The following SPIRE1 variants were observed in gnomAD, a reference collection of about 807,000 sequenced individuals.
SPIRE1 encodes the protein protein spire homolog 1.
SPIRE1 carries 40 observed loss-of-function variants against 94.1 expected under a neutral mutation model. The ratio of observed to expected loss-of-function variants is 0.43; its 90% CI spans 0.33 to 0.55. The LOEUF (loss-of-function observed/expected upper bound fraction) is 0.55, where lower values mean the gene tolerates loss of function less well. Ranked by LOEUF, SPIRE1 falls within the 20% of genes least tolerant of loss-of-function variation. The pLI is 0.06. For synonymous variants in SPIRE1, 376 were observed against 371.7 expected, an observed-to-expected ratio of 1.01 and a Z score of -0.13; for missense variants, 838 against 975.2, an observed-to-expected ratio of 0.86 and a Z score of 1.87.
intron 2 of SPIRE1, among the ~76,000 whole-genome samples, chr18:12,584,543 A>T (rs1011423681): frequency 1.3e-5 from 2 of 152,212 alleles, no homozygotes; most frequent in African/African-American, 4.8e-5. Flanking sequence ...TAGTCTCAAA[A>T]TTTAGACTTG....
Position 12,559,158 on chromosome 18 carries a change from C to A in SPIRE1, c.373-12254G>T, listed in dbSNP as rs1354793736. On this transcript the variant is annotated intron_variant, in intron 2 of 16. Transcript: ENST00000409402. This position sits in a 1 kb window ranked among gnomAD's most constrained non-coding sequence, Gnocchi z 4.7. ...GAGGCGCCCCCTGGGGAGGCTCCAT[C>A]TGCTTAGGAGCCCACGGGGTGGGGT... Among the ~76,000 whole-genome samples the A allele has an allele frequency of 1.1e-5, 1 of 91,684 alleles. No homozygotes were observed. The highest frequency in any genetic ancestry group is 2.3e-5 in the Non-Finnish European group (1 of 43,532). The allele number at this position is 91,684 out of a possible 152,430, so 60.1% of individuals were successfully genotyped here.
chr18:12,573,276 AC>A (rs1375343126), intron 2 of SPIRE1, among the ~76,000 whole-genome samples: 1 of 152,186 alleles, frequency 6.6e-6, no homozygotes, highest in Non-Finnish European at 1.5e-5. Flanking sequence ...GCAAATTACA[AC>A]GAGATACTAC....
intron 4 of SPIRE1, among the ~76,000 whole-genome samples, chr18:12,525,296 A>AAAAAAAAAAT (rs1555619713): frequency 8.3e-6 from 1 of 120,172 alleles, no homozygotes; most frequent in African/African-American, 3.3e-5. Flanking sequence ...AAAAAAAAAA[A>AAAAAAAAAAT]AATAATAATA....
chr18:12,607,801 G>A (rs2037026106), intron 2 of SPIRE1, among the ~76,000 whole-genome samples: 1 of 152,136 alleles, frequency 6.6e-6, no homozygotes, highest in African/African-American at 2.4e-5. Context: ...AAAGAAATGT[G>A]TTGAGGTGAC....
intron 4 of SPIRE1, among the ~76,000 whole-genome samples, chr18:12,520,978 C>T (rs1344919852): frequency 6.6e-6 from 1 of 152,126 alleles, no homozygotes; most frequent in Non-Finnish European, 1.5e-5. Flanking sequence ...CCCTATGACA[C>T]TGGCGGATTT....
At chr18:12,584,789 A>G (rs972412189) in intron 2 of SPIRE1, among the ~76,000 whole-genome samples, 10 of 151,842 alleles carry the variant, frequency 6.6e-5, no homozygotes, top group South Asian at 6.2e-4. Flanking sequence ...TAATATATAT[A>G]TATTTTTTGA....
chr18:12,564,163 C>G (rs1352119746), intron 2 of SPIRE1, among the ~76,000 whole-genome samples: 3 of 152,088 alleles, frequency 2.0e-5, no homozygotes, highest in African/African-American at 7.2e-5. Flanking sequence ...TAAAGGGTCC[C>G]AGCTCTATCA....
intron 9 of SPIRE1, among the ~76,000 whole-genome samples, chr18:12,483,255 C>T (rs972602483): frequency 8.6e-5 from 13 of 151,972 alleles, no homozygotes; most frequent in Admixed American, 5.3e-4. Context: ...CCACTGTGCC[C>T]GGAAAACATA....
At chr18:12,489,361 C>G (rs1180595395) in intron 8 of SPIRE1, among the ~76,000 whole-genome samples, 1 of 152,184 alleles carries the variant, frequency 6.6e-6, no homozygotes, top group Non-Finnish European at 1.5e-5. Flanking sequence ...ATTATCACAG[C>G]ACTCTTCCAT....
At chr18:12,631,142 C>A (rs139913181) in intron 2 of SPIRE1, among the ~76,000 whole-genome samples, 1 of 152,212 alleles carries the variant, frequency 6.6e-6, no homozygotes, top group East Asian at 1.9e-4. Context: ...TCTGTGCTCT[C>A]ATACCACAGC....
intron 10 of SPIRE1, among the ~76,000 whole-genome samples, chr18:12,471,271 G>C (rs892750544): frequency 6.6e-6 from 1 of 152,020 alleles, no homozygotes; most frequent in African/African-American, 2.4e-5. Flanking sequence ...ACACTGTATG[G>C]CTTTTCTAAC....
Position 12,567,272 on chromosome 18 carries a change from A to G in SPIRE1, c.373-20368T>C, listed in dbSNP as rs117773521. ...TAGGTGTCAATCTAACAAAATACAT[A>G]CAAGATCTGTATAAGGAAAAATACA... On this transcript the variant is annotated intron_variant, in intron 2 of 16. Transcript: ENST00000409402. Among the ~76,000 whole-genome samples the G allele has an allele frequency of 9.8e-5, 15 of 152,298 alleles. No individual in the cohort carries two copies. In the East Asian group the frequency reaches 1.3e-3, roughly 14 times the overall value.
intron 2 of SPIRE1, among the ~76,000 whole-genome samples, chr18:12,621,684 T>G (rs1299771223): frequency 6.6e-6 from 1 of 152,166 alleles, no homozygotes; most frequent in Non-Finnish European, 1.5e-5. Flanking sequence ...GAAAGTAGAT[T>G]AGTGATTGCT....
intron 1 of SPIRE1, among the ~76,000 whole-genome samples, chr18:12,639,452 G>A (rs1242103917): frequency 2.6e-5 from 4 of 152,130 alleles, no homozygotes; most frequent in African/African-American, 4.8e-5. Context: ...TGAGGAATGC[G>A]GCCAGGCGCA....
chr18:12,484,336 A>T (rs576228856), intron 9 of SPIRE1, among the ~76,000 whole-genome samples: 1 of 152,330 alleles, frequency 6.6e-6, no homozygotes, highest in South Asian at 2.1e-4. Context: ...TCCAGACCAA[A>T]TTTTTTACAA....
Position 12,618,900 on chromosome 18 carries a change from C to A in SPIRE1, c.372+16162G>T, listed in dbSNP as rs554927959. Among the ~76,000 whole-genome samples the A allele has an allele frequency of 2.3e-3, 344 of 152,074 alleles. 1 individual carries two copies. Among genetic ancestry groups the A allele is most frequent in the Non-Finnish European group, 3.6e-3 (242 of 67,994 alleles). ...CCCACAAAAACAATTTTTTTCCCCC[C>A]CAAGACAGAGTTTTGCTCTTGTTGC... On this transcript the variant is annotated intron_variant, in intron 2 of 16. Coordinates refer to ENST00000409402, the MANE Select transcript of SPIRE1 (RefSeq NM_001128626.2).
intron 2 of SPIRE1, among the ~76,000 whole-genome samples, chr18:12,604,300 G>A (rs2036913897): frequency 6.6e-6 from 1 of 152,136 alleles, no homozygotes. Context: ...CAGCAAGAGA[G>A]CATCAGAACG....
intron 2 of SPIRE1, among the ~76,000 whole-genome samples, chr18:12,580,103 CTTCTGGTTATTTCTGAAG>C (rs1049940234): frequency 3.3e-5 from 5 of 152,102 alleles, no homozygotes; most frequent in Non-Finnish European, 7.4e-5. Flanking sequence ...GAAACAGCTC[CTTCTGGTTATTTCTGAAG>C]TACCGTCCTT....
intron 12 of SPIRE1, among the ~76,000 whole-genome samples, chr18:12,456,379 A>T (rs539186001): frequency 1.3e-5 from 2 of 152,310 alleles, no homozygotes; most frequent in African/African-American, 4.8e-5. Context: ...ATACATCCGA[A>T]TGATGGCATT....
Sources: allele counts gnomAD v4.1 joint callset (sites outside exome capture counted in the v4.1 genomes callset), GRCh38; gene constraint gnomAD v4.1.1; non-coding constraint Gnocchi (gnomAD v3.1); transcripts MANE v1.5; gene names NCBI Gene and HGNC (gene_info 2026-07-23, HGNC 2026-07-21).